NUAK2: variants seen among roughly 807,000 people sequenced by gnomAD.
NUAK2 encodes NUAK family SNF1-like kinase 2.
In NUAK2, 20 loss-of-function variants were observed where a neutral mutation model predicts 29.8. That is an observed-to-expected ratio of 0.67 (90% CI 0.47 to 0.98). The LOEUF (loss-of-function observed/expected upper bound fraction) is 0.98, where lower values mean the gene tolerates loss of function less well. Ranked by LOEUF, NUAK2 falls within the 50% of genes least tolerant of loss-of-function variation. The probability of loss-of-function intolerance (pLI) is 0.00; values close to 1 mark genes in which losing one functional copy is unlikely to be tolerated. For synonymous variants in NUAK2, 331 were observed against 342.6 expected (o/e 0.97, Z 0.37); for missense variants, 719 against 834.5 (o/e 0.86, Z 1.71).
chr1:205,320,953 T>A (rs1030770438), intron 1 of NUAK2, among the ~76,000 whole-genome samples: 1 of 152,130 alleles, frequency 6.6e-6, no homozygotes, highest in Non-Finnish European at 1.5e-5. Context: ...GTTGGGGAAA[T>A]CCACACCTCA....
At chr1:205,318,395 C>T (rs995246440) in intron 1 of NUAK2, among the ~76,000 whole-genome samples, 2 of 152,242 alleles carry the variant, frequency 1.3e-5, no homozygotes, top group Non-Finnish European at 2.9e-5. Context: ...GGACTCAGTA[C>T]TTGGTCATCC....
At position 205,304,532 on chromosome 1, in the gene NUAK2, G is replaced by A. The variant is rs769436113; in HGVS notation, c.824-19C>T. On this transcript the variant is annotated intron_variant, in intron 6 of 6. Transcript: ENST00000367157. The surrounding 1 kb of genome is among the most constrained non-coding windows in gnomAD (Gnocchi z 6.5). ...CAGGCATCTGGAAGACAAAAGGCAG[G>A]TGCTTCAGTTTGGCAGCTCCCAGAA... The A allele has an allele frequency of 2.7e-6, 4 of 1,493,914 alleles. No homozygotes were observed. The highest frequency in any genetic ancestry group is 3.6e-6 in the Non-Finnish European group (4 of 1,122,188). 92.5% of individuals were successfully genotyped at this position (1,493,914 alleles called of 1,614,324 possible).
chr1:205,320,265 T>C (rs1662393009), intron 1 of NUAK2, among the ~76,000 whole-genome samples: 1 of 152,156 alleles, frequency 6.6e-6, no homozygotes, highest in Admixed American at 6.5e-5. Flanking sequence ...TCGTTTTGTT[T>C]TGTTTTGTTT....
At chr1:205,317,408 G>A (rs1662343786) in intron 1 of NUAK2, among the ~76,000 whole-genome samples, 1 of 152,198 alleles carries the variant, frequency 6.6e-6, no homozygotes, top group African/African-American at 2.4e-5. Flanking sequence ...GCTAGGGGAT[G>A]ACCCATTTAG....
chr1:205,315,625 C>A (rs1430724923), intron 1 of NUAK2, among the ~76,000 whole-genome samples: 1 of 152,202 alleles, frequency 6.6e-6, no homozygotes, highest in East Asian at 1.9e-4. Flanking sequence ...ATAATCTCAG[C>A]ACTTTGGGAG....
chr1:205,316,062 A>G (rs1193116202), intron 1 of NUAK2, among the ~76,000 whole-genome samples: 1 of 152,162 alleles, frequency 6.6e-6, no homozygotes, highest in African/African-American at 2.4e-5. Context: ...CCTACTCAGA[A>G]GGGGAAAGAA....
In NUAK2 at chr1:205,315,812, G is replaced by T. The variant is rs187334249; in HGVS notation, c.232-3987C>A. On this transcript the variant is annotated intron_variant, in intron 1 of 6. Coordinates refer to ENST00000367157, the MANE Select transcript of NUAK2 (RefSeq NM_030952.3). ...GCTTGAACCCGGGAGGGCAGAAGTT[G>T]CAGTGAGCTGAGATTGCACCACTGC... is the stretch of plus-strand genomic sequence containing the variant. Among the ~76,000 whole-genome samples the T allele has an allele frequency of 7.4e-3, 1,127 of 152,200 alleles. 5 individuals are homozygous for T. The highest frequency in any genetic ancestry group is 0.012 in the Non-Finnish European group (841 of 68,012).
chr1:205,305,329 C>G lies in NUAK2; in HGVS notation c.693G>C (p.Val231=). ...GGAGAACACCCAGGGACCAGCTGTC[C>G]ACCTGAGAGAGATGGGGGAGGTCAG... The part of the protein sequence containing the change: ...VNGKPYTGPE[V]DSWSLGVLLY... The change falls in exon 6 of 7, where the codon GTG becomes GTC. Residue 231 remains valine, a splice_region_variant and synonymous_variant. Transcript: ENST00000367157. The G allele has an allele frequency of 6.2e-7, 1 of 1,613,302 alleles. No homozygotes were observed. Among genetic ancestry groups the G allele is most frequent in the Non-Finnish European group, 8.5e-7 (1 of 1,179,684 alleles).
At position 205,321,386 on chromosome 1, in the gene NUAK2, A is replaced by C; in HGVS notation, c.231+12T>G. The C allele has an allele frequency of 6.2e-7, 1 of 1,609,510 alleles. No individual in the cohort carries two copies. Among genetic ancestry groups the C allele is most frequent in the Non-Finnish European group, 8.5e-7 (1 of 1,177,718 alleles). ...GAGCCCGCCCCGCGCCGCGAGAGGG[A>C]GCCGCACTCACCAGGCGCCCCGAGC... On this transcript the variant is annotated intron_variant, in intron 1 of 6. Transcript: ENST00000367157.
Position 205,303,124 on chromosome 1 carries a change from G to A in NUAK2, c.*326C>T, listed in dbSNP as rs1662108716. ...AGAGTATTCATGGGATGCAGGAGAT[G>A]GGCCCTGGGAGAGTTCTCTTTCCAG... On this transcript the variant is annotated 3_prime_UTR_variant, in exon 7 of 7. Coordinates refer to ENST00000367157, the MANE Select transcript of NUAK2 (RefSeq NM_030952.3). The A allele has an allele frequency of 1.0e-5, 2 of 191,806 alleles. No homozygotes were observed. Among genetic ancestry groups the A allele is most frequent in the South Asian group, 1.5e-4 (1 of 6,748 alleles). 11.9% of individuals were successfully genotyped at this position (191,806 alleles called of 1,614,324 possible). A position where few individuals can be genotyped will look rare whatever the true frequency, so the allele number is the denominator to read the frequency against.
At chr1:205,310,376 C>T (rs1241497650) in intron 2 of NUAK2, among the ~76,000 whole-genome samples, 2 of 152,182 alleles carry the variant, frequency 1.3e-5, no homozygotes, top group Non-Finnish European at 2.9e-5. Context: ...TGTCATTTCC[C>T]AGGACTGAGG....
At chr1:205,318,065 A>G (rs529039479) in intron 1 of NUAK2, among the ~76,000 whole-genome samples, 3 of 152,194 alleles carry the variant, frequency 2.0e-5, no homozygotes, top group Admixed American at 1.3e-4. Flanking sequence ...TATCACCCCT[A>G]CTTTACAGAT....
In NUAK2 at chr1:205,304,241, G is replaced by A; in HGVS notation, c.1096C>T (p.Pro366Ser). 6.2e-7 allele frequency: 1 copy of A among 1,614,144 alleles called. No individual in the cohort carries two copies. The highest frequency in any genetic ancestry group is 8.5e-7 in the Non-Finnish European group (1 of 1,180,014). Residue 366 changes from proline (P) to serine (S), a missense_variant, in exon 7 of 7, where the codon CCT (proline) becomes TCT (serine). Transcript: ENST00000367157. The surrounding 1 kb of genome is among the most constrained non-coding windows in gnomAD (Gnocchi z 6.5). Reference sequence around the variant, plus strand: ...AGCGAATGCTGGCGCTCCAGGCCAGGGGTGGTGCTTCCCCCACCAGGTGCA... The same window carrying A: ...AGCGAATGCTGGCGCTCCAGGCCAGAGGTGGTGCTTCCCCCACCAGGTGCA... The part of the protein sequence containing the change: ...QHAPGGGSTT[P>S]GLERQHSLKK...
chr1:205,310,316 C>T (rs764500355), intron 2 of NUAK2, among the ~76,000 whole-genome samples: 7 of 152,156 alleles, frequency 4.6e-5, no homozygotes, highest in Non-Finnish European at 8.8e-5. Context: ...GCCATAAAAT[C>T]GGGAGTCAAA....
chr1:205,316,425 C>T (rs1378855708), intron 1 of NUAK2, among the ~76,000 whole-genome samples: 5 of 152,192 alleles, frequency 3.3e-5, no homozygotes, highest in Non-Finnish European at 7.3e-5. Flanking sequence ...ATGTCCCTGC[C>T]TGCAGAGAGG....
chr1:205,321,059 T>A lies in NUAK2; in HGVS notation c.231+339A>T, dbSNP rs1420207276. 2.0e-5 allele frequency among the ~76,000 whole-genome samples: 3 copies of A among 152,182 alleles called. No individual in the cohort carries two copies. In the East Asian group the frequency reaches 5.8e-4, roughly 29 times the overall value. On this transcript the variant is annotated intron_variant, in intron 1 of 6. Transcript: ENST00000367157. ...CATTGCACTCTATTGAACAGTCTTTTCCCAGCAAAACTCAACTTAAGTCCC... is the reference window on the plus strand; with the variant it reads ...CATTGCACTCTATTGAACAGTCTTTACCCAGCAAAACTCAACTTAAGTCCC...
intron 6 of NUAK2, 87 bp downstream of exon 6, chr1:205,305,112 A>T: frequency 1.3e-6 from 2 of 1,520,516 alleles, no homozygotes; most frequent in Non-Finnish European, 1.8e-6. Context: ...TGCCCGTTTG[A>T]CTTTAGTGCC....
rs1558671974 is a variant in NUAK2, at chr1:205,305,190, C to T, written c.823+9G>A. 1 of 1,613,284 alleles carries T rather than the reference C, an allele frequency of 6.2e-7. No homozygotes were observed. Among genetic ancestry groups the T allele is most frequent in the Non-Finnish European group, 8.5e-7 (1 of 1,179,586 alleles). On this transcript the variant is annotated intron_variant, in intron 6 of 6. Transcript: ENST00000367157. ...GGCCTGGATAAGAACGCCCACACCTCTTACTCACCAGAGGGTTTAGGTGGC... is the reference window on the plus strand; with the variant it reads ...GGCCTGGATAAGAACGCCCACACCTTTTACTCACCAGAGGGTTTAGGTGGC...
intron 1 of NUAK2, 61 bp downstream of exon 1, chr1:205,321,337 C>G: frequency 6.9e-7 from 1 of 1,447,792 alleles, no homozygotes; most frequent in South Asian, 1.3e-5. Flanking sequence ...CGCCCTCCTC[C>G]GCTCCCTGCC....
Sources: allele counts gnomAD v4.1 joint callset (sites outside exome capture counted in the v4.1 genomes callset), GRCh38; gene constraint gnomAD v4.1.1; non-coding constraint Gnocchi (gnomAD v3.1); transcripts MANE v1.5; gene names NCBI Gene and HGNC (gene_info 2026-07-23, HGNC 2026-07-21).